The following PTTG1IP2 variants were observed in gnomAD, a reference collection of about 807,000 sequenced individuals.
PTTG1IP2 encodes the protein PTTG1IP family member 2.
intron 6 of PTTG1IP2, among the ~76,000 whole-genome samples, chr7:90,504,026 A>T (rs566018943): frequency 0.014 from 2,152 of 152,290 alleles, 56 homozygotes; most frequent in African/African-American, 0.047. Context: ...AGTAGAAAAA[A>T]AGCACATCTG....
intron 2 of PTTG1IP2, among the ~76,000 whole-genome samples, chr7:90,482,214 G>A (rs549398077): frequency 1.7e-4 from 26 of 152,094 alleles, no homozygotes; most frequent in Non-Finnish European, 3.4e-4. Context: ...TGAAGCAACC[G>A]AGAATATTTG....
At chr7:90,502,820 AG>A (rs1307583836) in intron 6 of PTTG1IP2, among the ~76,000 whole-genome samples, 2 of 152,222 alleles carry the variant, frequency 1.3e-5, no homozygotes, top group Admixed American at 6.5e-5. Flanking sequence ...AAGTAGATTT[AG>A]CATAATTCTT....
At chr7:90,512,927 T>G (rs920203248) in intron 6 of PTTG1IP2, among the ~76,000 whole-genome samples, 1 of 152,262 alleles carries the variant, frequency 6.6e-6, no homozygotes, top group African/African-American at 2.4e-5. Context: ...GAACCCTTTC[T>G]GGGAATATTT....
chr7:90,496,520 C>T (rs1797993291), intron 6 of PTTG1IP2, among the ~76,000 whole-genome samples: 2 of 151,952 alleles, frequency 1.3e-5, no homozygotes, highest in South Asian at 4.1e-4. Context: ...ATTTAAGTCT[C>T]TCTCTTTTTT....
At chr7:90,484,109 CA>C (rs1239821871) in intron 2 of PTTG1IP2, among the ~76,000 whole-genome samples, 2 of 151,662 alleles carry the variant, frequency 1.3e-5, no homozygotes, top group Non-Finnish European at 2.9e-5. Flanking sequence ...CAAAGAAGCT[CA>C]TGTTCTTTAC....
chr7:90,479,913 C>T (rs1006413766), intron 2 of PTTG1IP2, among the ~76,000 whole-genome samples: 1 of 152,174 alleles, frequency 6.6e-6, no homozygotes, highest in Non-Finnish European at 1.5e-5. Flanking sequence ...GTTGGTGTCT[C>T]TCATAGTGAT....
At chr7:90,476,781 C>T (rs551712987) in intron 1 of PTTG1IP2, among the ~76,000 whole-genome samples, 1 of 152,120 alleles carries the variant, frequency 6.6e-6, no homozygotes, top group South Asian at 2.1e-4. Context: ...ATAGATGTAA[C>T]AGGTAAATAA....
chr7:90,511,076 A>ATCT, intron 6 of PTTG1IP2, among the ~76,000 whole-genome samples: 1 of 147,492 alleles, frequency 6.8e-6, no homozygotes, highest in East Asian at 2.0e-4. Flanking sequence ...CAAGGACAGT[A>ATCT]TTTTTTTTTT....
chr7:90,477,708 A>T (rs1266286502), intron 1 of PTTG1IP2, among the ~76,000 whole-genome samples: 2 of 151,962 alleles, frequency 1.3e-5, no homozygotes, highest in Non-Finnish European at 2.9e-5. Context: ...TAGTGTAGAG[A>T]CTGGTGAAAT....
chr7:90,487,667 C>G (rs1018660736), intron 3 of PTTG1IP2, among the ~76,000 whole-genome samples: 1 of 152,148 alleles, frequency 6.6e-6, no homozygotes, highest in Non-Finnish European at 1.5e-5. Flanking sequence ...ATTGGTCTTT[C>G]CTCCTGATGT....
intron 4 of PTTG1IP2, among the ~76,000 whole-genome samples, chr7:90,490,066 C>A (rs1179684571): frequency 6.6e-6 from 1 of 151,930 alleles, no homozygotes; most frequent in Non-Finnish European, 1.5e-5. Context: ...TGGCTTCCTG[C>A]TTTAACATGC....
intron 1 of PTTG1IP2, among the ~76,000 whole-genome samples, chr7:90,472,777 C>T (rs1797706356): frequency 6.6e-6 from 1 of 152,194 alleles, no homozygotes; most frequent in Non-Finnish European, 1.5e-5. Flanking sequence ...TATATATACA[C>T]AGAGTGATTT....
At chr7:90,482,847 A>T (rs571354956) in intron 2 of PTTG1IP2, among the ~76,000 whole-genome samples, 1 of 152,206 alleles carries the variant, frequency 6.6e-6, no homozygotes, top group African/African-American at 2.4e-5. Context: ...CCTGATATGG[A>T]TGGTTGGTTG....
chr7:90,500,477 C>T (rs1798049588), intron 6 of PTTG1IP2, among the ~76,000 whole-genome samples: 1 of 152,152 alleles, frequency 6.6e-6, no homozygotes, highest in South Asian at 2.1e-4. Flanking sequence ...AAGAGAACAG[C>T]TGTCTTAAGT....
At chr7:90,472,090 A>G (rs1797695093) in intron 1 of PTTG1IP2, among the ~76,000 whole-genome samples, 1 of 152,130 alleles carries the variant, frequency 6.6e-6, no homozygotes, top group African/African-American at 2.4e-5. Context: ...AAATGCCATA[A>G]AACTGTAGCT....
intron 3 of PTTG1IP2, 26 bp downstream of exon 3, chr7:90,487,446 A>G (rs1797887836): frequency 6.6e-6 from 1 of 152,496 alleles, no homozygotes; most frequent in Non-Finnish European, 1.5e-5. Context: ...TTAGATTTTT[A>G]TGTTCTTTAT....
intron 6 of PTTG1IP2, among the ~76,000 whole-genome samples, chr7:90,501,608 T>C (rs1412024404): frequency 1.3e-5 from 2 of 152,182 alleles, no homozygotes; most frequent in African/African-American, 4.8e-5. Context: ...AGTTTGAGGC[T>C]GCAGTGAGCT....
intron 2 of PTTG1IP2, among the ~76,000 whole-genome samples, chr7:90,480,123 T>C (rs937318242): frequency 6.6e-6 from 1 of 152,184 alleles, no homozygotes; most frequent in Non-Finnish European, 1.5e-5. Flanking sequence ...TCTAGATACG[T>C]GACCTGCCTT....
chr7:90,491,017 C>G (rs1797930711), intron 4 of PTTG1IP2, among the ~76,000 whole-genome samples: 1 of 152,102 alleles, frequency 6.6e-6, no homozygotes, highest in South Asian at 2.1e-4. Flanking sequence ...TTCTTAAGGA[C>G]TTACTGTACT....
Sources: allele counts gnomAD v4.1 joint callset (sites outside exome capture counted in the v4.1 genomes callset), GRCh38; gene constraint gnomAD v4.1.1; transcripts MANE v1.5; gene names NCBI Gene and HGNC (gene_info 2026-07-23, HGNC 2026-07-21).